Variants in RB1 observed in about 807,000 individuals in gnomAD.
RB1 encodes the protein RB transcriptional corepressor 1, also known as retinoblastoma-associated protein.
Under a neutral mutation model 135.4 loss-of-function variants are expected in RB1, and 18 were observed. The ratio of observed to expected loss-of-function variants is 0.13; its 90% confidence interval spans 0.09 to 0.20. The LOEUF is 0.20. RB1 is among the 10% of genes least tolerant of loss of function. The probability of loss-of-function intolerance (pLI) is 1.00; values close to 1 mark genes in which losing one functional copy is unlikely to be tolerated. For missense variants in RB1, 868 were observed against 1,110.0 expected, an observed-to-expected ratio of 0.78 and a Z score of 3.10; for synonymous variants, 365 against 373.2, an observed-to-expected ratio of 0.98 and a Z score of 0.25.
At chr13:48,333,234 TC>T (rs1952352102) in intron 2 of RB1, 1 of 393,176 alleles carries the variant, frequency 2.5e-6, no homozygotes, top group South Asian at 1.4e-4. Context: ...GTTGGTGATT[TC>T]CTTTTTTGAA....
intron 17 of RB1, among the ~76,000 whole-genome samples, chr13:48,442,859 G>A (rs1358844054): frequency 6.6e-6 from 1 of 151,868 alleles, no homozygotes; most frequent in Non-Finnish European, 1.5e-5. Context: ...TTTACATATT[G>A]CACTTTTCAA....
chr13:48,319,644 C>T lies in RB1; in HGVS notation c.264+12238C>T. On this transcript the variant is annotated intron_variant, in intron 2 of 26. Transcript: ENST00000267163. This position sits in a 1 kb window ranked among gnomAD's most constrained non-coding sequence, Gnocchi z 5.0. ...GCGAAAGGCGAACTCTTTATGGGCG[C>T]CCTTCAGACCCTGCCGATGCGCCAC... The T allele has an allele frequency of 1.2e-5, 3 of 253,592 alleles. No individual in the cohort carries two copies. In the South Asian group the frequency reaches 1.7e-4, roughly 14 times the overall value. 15.7% of individuals were successfully genotyped at this position (253,592 alleles called of 1,614,324 possible).
chr13:48,340,586 AG>A (rs1952433733), intron 2 of RB1, among the ~76,000 whole-genome samples: 1 of 109,238 alleles, frequency 9.2e-6, no homozygotes, highest in Non-Finnish European at 2.4e-5. Flanking sequence ...AAAGAGAGAG[AG>A]AGAAAAAAAA....
chr13:48,362,939 T>C lies in RB1; in HGVS notation c.843T>C (p.His281=). 6.2e-7 allele frequency: 1 copy of C among 1,613,386 alleles called. No individual in the cohort carries two copies. Among genetic ancestry groups the C allele is most frequent in the African/African-American group, 1.3e-5 (1 of 75,044 alleles). Residue 281 remains histidine (H), a synonymous_variant, in exon 8 of 27, where the codon CAT becomes CAC. Transcript: ENST00000267163. ...TTATTGAAGTTCTCTGTAAAGAACATGAATGTAATATAGATGAGGTAATTT... is the reference window on the plus strand; with the variant it reads ...TTATTGAAGTTCTCTGTAAAGAACACGAATGTAATATAGATGAGGTAATTT... ...TRIIEVLCKE[H]ECNIDEVKNV...
At chr13:48,373,291 G>T (rs1952781151) in intron 11 of RB1, 114 bp from the exon 12 acceptor site, 4 of 715,236 alleles carry the variant, frequency 5.6e-6, no homozygotes, top group Non-Finnish European at 1.0e-5. Flanking sequence ...GTAGAGACAA[G>T]TGGGAGGCAG....
At chr13:48,406,098 C>G (rs374764631) in intron 17 of RB1, among the ~76,000 whole-genome samples, 1 of 150,044 alleles carries the variant, frequency 6.7e-6, no homozygotes. Context: ...ATAAATAACT[C>G]TGTGTGTGTG....
At position 48,319,159 on chromosome 13, in the gene RB1, C is replaced by T; in HGVS notation, c.264+11753C>T. 1.7e-6 allele frequency: 1 copy of T among 605,744 alleles called. No individual in the cohort carries two copies. The highest frequency in any genetic ancestry group is 2.3e-5 in the Admixed American group (1 of 44,366). The allele number at this position is 605,744 out of a possible 1,614,324, so 37.5% of individuals were successfully genotyped here. On this transcript the variant is annotated intron_variant, in intron 2 of 26. Transcript: ENST00000267163. The surrounding 1 kb of genome is among the most constrained non-coding windows in gnomAD (Gnocchi z 5.0). ...CCTTCGGGAGCTTGTGGGGAATGGT[C>T]AGCGTCTAGGCACCCCGGGCAAGGG...
At chr13:48,320,106 C>T (rs1202199132) in intron 2 of RB1, 2 of 686,486 alleles carry the variant, frequency 2.9e-6, no homozygotes, top group South Asian at 1.8e-5. Flanking sequence ...TCCCGGTCCA[C>T]GGAATCATCA....
chr13:48,395,217 C>T (rs561222954), intron 17 of RB1, among the ~76,000 whole-genome samples: 10 of 152,226 alleles, frequency 6.6e-5, no homozygotes, highest in East Asian at 1.9e-4. Context: ...ACAAAAAGGA[C>T]GTCCACACAG....
At chr13:48,363,047 A>G in intron 8 of RB1, 90 bp downstream of exon 8, 1 of 1,505,480 alleles carries the variant, frequency 6.6e-7, no homozygotes, top group Non-Finnish European at 9.1e-7. Flanking sequence ...TGTTATGAGC[A>G]TGTTTTTTTT....
Position 48,332,244 on chromosome 13 carries a change from T to C in RB1, c.265-10355T>C, listed in dbSNP as rs60887299. The stretch of plus-strand genomic sequence containing the variant: ...GGGGAGCCTGGGGAGAATGTGGAGA[T>C]GTTTGTCAAAGGGTACAAACTTTCA... On this transcript the variant is annotated intron_variant, in intron 2 of 26. Transcript: ENST00000267163. Among the ~76,000 whole-genome samples, 1,752 of 152,278 alleles carry C rather than the reference T, an allele frequency of 0.012. 66 individuals are homozygous for C. In the East Asian group the frequency reaches 0.12, roughly 10 times the overall value.
At chr13:48,316,874 G>A (rs1593419953) in intron 2 of RB1, 1 of 328,504 alleles carries the variant, frequency 3.0e-6, no homozygotes, top group East Asian at 6.9e-5. Context: ...TCACTGCTGA[G>A]CTGCCGCCAC....
At chr13:48,460,658 T>G (rs1184259606) in intron 20 of RB1, among the ~76,000 whole-genome samples, 4 of 152,194 alleles carry the variant, frequency 2.6e-5, no homozygotes, top group Admixed American at 6.5e-5. Flanking sequence ...TAAAATAGGT[T>G]AATAAGAACA....
At chr13:48,479,858 T>C (rs1200143245) in intron 26 of RB1, 140 bp from the exon 27 acceptor site, 7 of 703,550 alleles carry the variant, frequency 9.9e-6, no homozygotes, top group Non-Finnish European at 1.8e-5. Flanking sequence ...TACGGTACTG[T>C]CAAATACTAG....
chr13:48,455,775 G>A (rs1949356018), intron 18 of RB1, among the ~76,000 whole-genome samples: 1 of 152,092 alleles, frequency 6.6e-6, no homozygotes, highest in African/African-American at 2.4e-5. Context: ...TAATTTAGGT[G>A]TGTGTAAATC....
chr13:48,477,464 CTT>C (rs1326942988), intron 26 of RB1, 60 bp downstream of exon 26: 22 of 1,330,170 alleles, frequency 1.7e-5, no homozygotes, highest in Non-Finnish European at 2.3e-5. Context: ...TGCAAGAAGT[CTT>C]TTCGTTATAT....
intron 24 of RB1, among the ~76,000 whole-genome samples, chr13:48,474,733 G>A (rs1004410680): frequency 2.0e-5 from 3 of 152,060 alleles, no homozygotes; most frequent in Non-Finnish European, 4.4e-5. Flanking sequence ...CTTCATTCTA[G>A]GAGATCCAAG....
chr13:48,330,980 T>C (rs1051974131), intron 2 of RB1, among the ~76,000 whole-genome samples: 1 of 152,202 alleles, frequency 6.6e-6, no homozygotes, highest in Non-Finnish European at 1.5e-5. Context: ...CAAGGATGGT[T>C]CAACATATGC....
At chr13:48,384,071 T>C (rs1948555639) in intron 17 of RB1, among the ~76,000 whole-genome samples, 1 of 152,164 alleles carries the variant, frequency 6.6e-6, no homozygotes, top group Admixed American at 6.5e-5. Context: ...CCTGTTTAGC[T>C]CAGTTATTTA....
Sources: gnomAD v4.1 joint callset for allele counts (sites outside exome capture counted in the v4.1 genomes callset) on GRCh38, gnomAD v4.1.1 for gene constraint, Gnocchi (gnomAD v3.1) non-coding constraint, MANE v1.5 for transcripts, NCBI Gene and HGNC (gene_info 2026-07-23, HGNC 2026-07-21) for gene names.